The following LARP4B variants were observed in gnomAD, a reference collection of about 807,000 sequenced individuals.
LARP4B encodes the protein La ribonucleoprotein 4B.
A neutral mutation model predicts 89.8 loss-of-function variants in LARP4B; 12 were observed. The observed-to-expected ratio is 0.13, with a 90% CI of 0.09 to 0.22. The LOEUF (loss-of-function observed/expected upper bound fraction) is 0.22. LARP4B is among the 10% of genes least tolerant of loss of function. The probability of loss-of-function intolerance (pLI) is 1.00; values close to 1 mark genes in which losing one functional copy is unlikely to be tolerated. For missense variants in LARP4B, 757 were observed against 947.7 expected (o/e 0.80, Z 2.64); for synonymous variants, 367 against 363.3 (o/e 1.01, Z -0.12).
chr10:867,862 G>GGAA (rs1462340173), intron 3 of LARP4B, among the ~76,000 whole-genome samples: 3 of 43,386 alleles, frequency 6.9e-5, no homozygotes, highest in African/African-American at 2.7e-4. Flanking sequence ...CTCCATCCTT[G>GGAA]AAAAAAAAAA....
At chr10:893,454 T>A (rs1836097437) in intron 1 of LARP4B, among the ~76,000 whole-genome samples, 1 of 152,188 alleles carries the variant, frequency 6.6e-6, no homozygotes, top group Non-Finnish European at 1.5e-5. Flanking sequence ...GGTCATTTTT[T>A]AAAATTGGAA....
the LARP4B span, among the ~76,000 whole-genome samples, chr10:941,945 A>T: frequency 6.6e-6 from 1 of 152,078 alleles, no homozygotes; most frequent in Non-Finnish European, 1.5e-5. Flanking sequence ...ATGGCTCAGT[A>T]CATTTTTTTA....
At chr10:895,384 A>G (rs1355595069) in intron 1 of LARP4B, among the ~76,000 whole-genome samples, 1 of 151,712 alleles carries the variant, frequency 6.6e-6, no homozygotes, top group African/African-American at 2.4e-5. Flanking sequence ...TGTTCACAGC[A>G]GCTTAGAAAA....
At chr10:828,860 A>G (rs1832753107) in intron 11 of LARP4B, among the ~76,000 whole-genome samples, 1 of 152,234 alleles carries the variant, frequency 6.6e-6, no homozygotes, top group African/African-American at 2.4e-5. Context: ...TCAAGCATCT[A>G]TAGCAGCACA....
intron 15 of LARP4B, among the ~76,000 whole-genome samples, chr10:816,018 C>T (rs1832034456): frequency 6.6e-6 from 1 of 152,232 alleles, no homozygotes; most frequent in Non-Finnish European, 1.5e-5. Flanking sequence ...CACCTGAGGT[C>T]AGGGGTTTGA....
At chr10:904,275 CG>C (rs767218191) in intron 1 of LARP4B, among the ~76,000 whole-genome samples, 27 of 152,202 alleles carry the variant, frequency 1.8e-4, no homozygotes, top group African/African-American at 5.5e-4. Flanking sequence ...TAAAATAGGC[CG>C]GGTGCAGTGG....
chr10:824,022 C>T (rs1413237675), intron 13 of LARP4B, among the ~76,000 whole-genome samples: 1 of 152,178 alleles, frequency 6.6e-6, no homozygotes, highest in Admixed American at 6.5e-5. Flanking sequence ...TCTCACTGCA[C>T]AGAGGGTGTG....
rs1227259713 is a variant in LARP4B, at chr10:812,055, T to C, written c.*871A>G. On this transcript the variant is annotated 3_prime_UTR_variant, in exon 18 of 18. Coordinates refer to ENST00000316157, the MANE Select transcript of LARP4B (RefSeq NM_015155.3). Reference sequence around the variant, plus strand: ...TCCACACGGAGCTGAAGATGTGGACTCTCTCCAACCAGAGTGCTGGGGAAC... The same window carrying C: ...TCCACACGGAGCTGAAGATGTGGACCCTCTCCAACCAGAGTGCTGGGGAAC... The C allele has an allele frequency of 1.3e-5, 2 of 152,620 alleles. No individual in the cohort carries two copies. The highest frequency in any genetic ancestry group is 1.3e-4 in the Admixed American group (2 of 15,284). 9.5% of individuals were successfully genotyped at this position (152,620 alleles called of 1,614,324 possible).
intron 3 of LARP4B, among the ~76,000 whole-genome samples, chr10:872,026 TACTCC>T (rs1242580632): frequency 1.3e-5 from 2 of 152,248 alleles, no homozygotes; most frequent in African/African-American, 4.8e-5. Flanking sequence ...TCTCACTTCC[TACTCC>T]TGAGTTACAG....
At chr10:987,904 G>A in the LARP4B span, 1 of 152,410 alleles carries the variant, frequency 6.6e-6, no homozygotes, top group Non-Finnish European at 1.5e-5. Context: ...GGGAAGCCGC[G>A]AGGGCCTCCT....
chr10:988,167 AGAAACCCGCAGGGCAGTCTGTCG>A, the LARP4B span: 1 of 323,164 alleles, frequency 3.1e-6, no homozygotes, highest in African/African-American at 2.2e-5. Context: ...AACCCGCTCC[AGAAACCCGCAGGGCAGTCTGTCG>A]GAAACCCCCG....
At chr10:947,237 G>A in the LARP4B span, among the ~76,000 whole-genome samples, 4 of 152,176 alleles carry the variant, frequency 2.6e-5, no homozygotes, top group South Asian at 4.1e-4. Context: ...GCAAGGCAGC[G>A]TTTCATCATC....
intron 3 of LARP4B, among the ~76,000 whole-genome samples, chr10:876,119 C>T (rs1055017719): frequency 9.2e-5 from 14 of 152,184 alleles, no homozygotes; most frequent in Admixed American, 7.9e-4. Context: ...GGTGCGATGG[C>T]TCACGCCTGT....
rs1340593456 is a variant in LARP4B, at chr10:817,738, G to A, written c.1682C>T (p.Pro561Leu). Residue 561 changes from proline to leucine, a missense_variant, in exon 15 of 18, where the codon CCA becomes CTA. Coordinates refer to ENST00000316157, the MANE Select transcript of LARP4B (RefSeq NM_015155.3). ...TATATCCCTTACCCTTTCTTTGGAT[G>A]GTCCTATTATCAAGCTAGATAGCCT... ...ENRLSSLIIG[P>L]SKERTLSADA... 1 of 1,614,016 alleles carries A rather than the reference G, an allele frequency of 6.2e-7. No individual in the cohort carries two copies. The highest frequency in any genetic ancestry group is 8.5e-7 in the Non-Finnish European group (1 of 1,179,926).
chr10:949,986 C>A, the LARP4B span, among the ~76,000 whole-genome samples: 51 of 152,178 alleles, frequency 3.4e-4, no homozygotes, highest in Admixed American at 3.1e-3. Context: ...ATGTTGCCCA[C>A]GCTGGTCTTG....
chr10:920,771 C>T (rs757285925), intron 1 of LARP4B, among the ~76,000 whole-genome samples: 1 of 150,588 alleles, frequency 6.6e-6, no homozygotes, highest in Non-Finnish European at 1.5e-5. Context: ...GACTCTGTCT[C>T]AAAAAAAAGG....
At chr10:984,073 A>T in the LARP4B span, among the ~76,000 whole-genome samples, 3 of 152,330 alleles carry the variant, frequency 2.0e-5, no homozygotes, top group East Asian at 5.8e-4. Context: ...GCAGACCTTC[A>T]AAATCAATTA....
the LARP4B span, among the ~76,000 whole-genome samples, chr10:964,969 T>C: frequency 3.3e-5 from 5 of 152,166 alleles, no homozygotes; most frequent in Admixed American, 3.3e-4. Context: ...TCAGTGTAGA[T>C]GCACAGGCTG....
At chr10:981,248 A>G in the LARP4B span, among the ~76,000 whole-genome samples, 1 of 152,254 alleles carries the variant, frequency 6.6e-6, no homozygotes, top group African/African-American at 2.4e-5. Flanking sequence ...GGTCACAACC[A>G]CTGAACCAGT....
Sources: allele counts gnomAD v4.1 joint callset (sites outside exome capture counted in the v4.1 genomes callset), GRCh38; gene constraint gnomAD v4.1.1; transcripts MANE v1.5; gene names NCBI Gene and HGNC (gene_info 2026-07-23, HGNC 2026-07-21).